NMI: variants seen among roughly 807,000 people sequenced by gnomAD.
NMI encodes N-myc and STAT interactor, also known as N-myc-interactor.
In NMI, 39 loss-of-function variants were observed where a neutral mutation model predicts 34.3. That is an observed-to-expected ratio of 1.14 (90% CI 0.88 to 1.49). The LOEUF is 1.49. Ranked by LOEUF, NMI falls within the 40% of genes most tolerant of loss-of-function variation. The pLI is 0.00. For synonymous variants in NMI, 113 were observed against 120.3 expected (o/e 0.94, Z 0.40); for missense variants, 339 against 358.1 (o/e 0.95, Z 0.43).
chr2:151,283,000 A>T, intron 1 of NMI, 46 bp from the exon 2 acceptor site: 1 of 904,586 alleles, frequency 1.1e-6, no homozygotes, highest in Non-Finnish European at 1.6e-6. Flanking sequence ...ATATATACAC[A>T]AATTTAAGAA....
intron 4 of NMI, chr2:151,277,545 A>G (rs576408959): frequency 6.6e-6 from 1 of 152,304 alleles, no homozygotes; most frequent in African/African-American, 2.4e-5. Context: ...TCCATTTCCA[A>G]CATTCCCAGG....
chr2:151,278,420 A>G (rs925462682), intron 4 of NMI: 1 of 156,016 alleles, frequency 6.4e-6, no homozygotes, highest in Admixed American at 6.4e-5. Context: ...TGGCATGTCT[A>G]TATTTAAAGT....
In NMI at chr2:151,278,889, G is replaced by A. The variant is rs368488721; in HGVS notation, c.279C>T (p.Ser93=). 2.5e-6 allele frequency: 4 copies of A among 1,613,516 alleles called. No individual in the cohort carries two copies. Among genetic ancestry groups the A allele is most frequent in the Non-Finnish European group, 3.4e-6 (4 of 1,179,674 alleles). The change falls in exon 4 of 8, where the codon AGC becomes AGT. Residue 93 remains serine, a synonymous_variant. Transcript: ENST00000243346. ...TTTGTATCTCATAAGGAACTTTCGA[G>A]CTCACTTGAAACGAACAGGAGATAT... ...LSNISCSFQV[S]SKVPYEIQKG...
rs142136595 is a variant in NMI at position 151,270,854 on chromosome 2, T to A, written c.763A>T (p.Arg255Trp). ...KYQIFSGTSK[R>W]TVLLTGMEGI... ...TCCATTCCTGTCAGAAGCACTGTCC[T>A]CTTAGATGTTCCTGAAAATATCTAA... The change falls in exon 8 of 8, where the codon AGG (arginine) becomes TGG (tryptophan). Residue 255 changes from arginine (R) to tryptophan (W), a missense_variant. By Grantham distance (101) the Arg-to-Trp change is moderately radical (BLOSUM62 -3). Transcript: ENST00000243346. 6.2e-7 allele frequency: 1 copy of A among 1,611,616 alleles called. No homozygotes were observed. Among genetic ancestry groups the A allele is most frequent in the African/African-American group, 1.3e-5 (1 of 74,860 alleles).
chr2:151,278,550 G>A, intron 4 of NMI: 1 of 364,534 alleles, frequency 2.7e-6, no homozygotes, highest in Non-Finnish European at 5.1e-6. Flanking sequence ...ATTATTTGGA[G>A]GTAGCATGTG....
At chr2:151,271,063 A>G (rs1346562717) in intron 7 of NMI, among the ~76,000 whole-genome samples, 188 bp from the exon 8 acceptor site, 1 of 152,234 alleles carries the variant, frequency 6.6e-6, no homozygotes, top group African/African-American at 2.4e-5. Flanking sequence ...TGGTGGCATT[A>G]TGGAACACAG....
intron 3 of NMI, among the ~76,000 whole-genome samples, chr2:151,281,013 C>CT (rs1683391477): frequency 6.6e-6 from 1 of 151,814 alleles, no homozygotes; most frequent in Non-Finnish European, 1.5e-5. Context: ...GCTAATTTTT[C>CT]TTTTTTAGTA....
rs772160832 is a variant in NMI at position 151,275,494 on chromosome 2, C to T, written c.624G>A (p.Val208=). 1.5e-5 allele frequency: 24 copies of T among 1,613,624 alleles called. No homozygotes were observed. Among genetic ancestry groups the T allele is most frequent in the Non-Finnish European group, 2.0e-5 (24 of 1,180,000 alleles). ...RQSGSAVITF[V]EIGVADKILK... is the part of the protein sequence containing the mutation. The stretch of plus-strand genomic sequence containing the variant: ...TACACCCTTGAGTACCTCCAATCTC[C>T]ACAAACGTGATGACTGCACTCCCGG... The change falls in exon 6 of 8, where the codon GTG becomes GTA. Residue 208 remains valine, a synonymous_variant. Coordinates refer to ENST00000243346, the MANE Select transcript of NMI (RefSeq NM_004688.3).
rs2105209510 is a variant in NMI at position 151,282,061 on chromosome 2, G to T, written c.82-18C>A. The T allele has an allele frequency of 1.8e-6, 2 of 1,133,524 alleles. No individual in the cohort carries two copies. Among genetic ancestry groups the T allele is most frequent in the Non-Finnish European group, 2.6e-6 (2 of 758,238 alleles). 70.2% of individuals were successfully genotyped at this position (1,133,524 alleles called of 1,614,324 possible). ...ATTAGTCCCTTAAAAATATCAAATGGTACCAAAGAAAGTAAATAGCCCCTG... is the reference window on the plus strand; with the variant it reads ...ATTAGTCCCTTAAAAATATCAAATGTTACCAAAGAAAGTAAATAGCCCCTG... On this transcript the variant is annotated intron_variant, in intron 2 of 7. Transcript: ENST00000243346.
intron 2 of NMI, among the ~76,000 whole-genome samples, chr2:151,282,487 A>T (rs1044459388): frequency 6.6e-6 from 1 of 152,144 alleles, no homozygotes; most frequent in Non-Finnish European, 1.5e-5. Flanking sequence ...TGTGATTCCC[A>T]TAGTATCGCA....
At chr2:151,279,121 G>A (rs1341157634) in intron 3 of NMI, 131 bp from the exon 4 acceptor site, 7 of 599,282 alleles carry the variant, frequency 1.2e-5, no homozygotes, top group African/African-American at 7.4e-5. Flanking sequence ...TATTGAGTAT[G>A]GTCTTATTTA....
At chr2:151,281,243 G>T (rs1683397418) in intron 3 of NMI, among the ~76,000 whole-genome samples, 1 of 152,092 alleles carries the variant, frequency 6.6e-6, no homozygotes, top group African/African-American at 2.4e-5. Flanking sequence ...AAATGGTGAG[G>T]ATTAATATAT....
chr2:151,280,169 T>C (rs546150387), intron 3 of NMI, among the ~76,000 whole-genome samples: 9 of 120,652 alleles, frequency 7.5e-5, no homozygotes, highest in African/African-American at 3.0e-4. Context: ...CATTCCAGCC[T>C]GGGCAACAAG....
At chr2:151,283,089 CT>C in intron 1 of NMI, 135 bp from the exon 2 acceptor site, 1 of 446,080 alleles carries the variant, frequency 2.2e-6, no homozygotes, top group Non-Finnish European at 4.0e-6. Context: ...TCATCAAAGG[CT>C]TTATTATCAT....
chr2:151,285,452 G>C (rs951268779), intron 1 of NMI, among the ~76,000 whole-genome samples: 3 of 151,990 alleles, frequency 2.0e-5, no homozygotes, highest in Non-Finnish European at 4.4e-5. Flanking sequence ...CCCAGGCATG[G>C]TGGCATGCAC....
chr2:151,283,711 T>A (rs1450838161), intron 1 of NMI, among the ~76,000 whole-genome samples: 2 of 152,212 alleles, frequency 1.3e-5, no homozygotes, highest in African/African-American at 4.8e-5. Flanking sequence ...TCTACGCAGG[T>A]GTTCTTACCT....
chr2:151,277,297 A>C (rs1683308316), intron 4 of NMI: 1 of 152,192 alleles, frequency 6.6e-6, no homozygotes, highest in African/African-American at 2.4e-5. Context: ...ACAATAACAG[A>C]AAATATCAAT....
chr2:151,280,921 C>T (rs941093904), intron 3 of NMI, among the ~76,000 whole-genome samples: 11 of 151,942 alleles, frequency 7.2e-5, no homozygotes, highest in African/African-American at 1.7e-4. Flanking sequence ...CAGCTCATCG[C>T]GACCTCCGCC....
At chr2:151,287,712 A>G (rs766944418) in intron 1 of NMI, among the ~76,000 whole-genome samples, 130 of 151,894 alleles carry the variant, frequency 8.6e-4, no homozygotes, top group African/African-American at 2.0e-3. Flanking sequence ...TACCTATGTC[A>G]TTTTCCGTGA....
Sources: gnomAD v4.1 joint callset for allele counts (sites outside exome capture counted in the v4.1 genomes callset) on GRCh38, gnomAD v4.1.1 for gene constraint, MANE v1.5 for transcripts, NCBI Gene and HGNC (gene_info 2026-07-23, HGNC 2026-07-21) for gene names.